KNTC1: variants seen among roughly 807,000 people sequenced by gnomAD.
KNTC1 encodes the protein kinetochore-associated protein 1.
In KNTC1, 253 loss-of-function variants were observed where a neutral mutation model predicts 314.4. That is an observed-to-expected ratio of 0.80 (90% CI 0.73 to 0.89). KNTC1 has a LOEUF of 0.89. KNTC1 is among the 40% of genes least tolerant of loss of function. The probability of loss-of-function intolerance (pLI) is 0.00; values close to 1 mark genes in which losing one functional copy is unlikely to be tolerated. For synonymous variants in KNTC1, 901 were observed against 901.4 expected (o/e 1.00, Z 0.01); for missense variants, 2,475 against 2,572.9 (o/e 0.96, Z 0.82).
intron 60 of KNTC1, among the ~76,000 whole-genome samples, chr12:122,621,526 G>T (rs1358560750): frequency 1.3e-5 from 2 of 152,182 alleles, no homozygotes; most frequent in Non-Finnish European, 2.9e-5. Context: ...GTAGAGACAG[G>T]GTTTTGCTAT....
intron 53 of KNTC1, among the ~76,000 whole-genome samples, chr12:122,612,144 C>A (rs962289944): frequency 6.6e-6 from 1 of 151,736 alleles, no homozygotes; most frequent in Non-Finnish European, 1.5e-5. Flanking sequence ...TGGCTCACTG[C>A]AACCTCCGCC....
intron 5 of KNTC1, 81 bp downstream of exon 5, chr12:122,539,835 G>A (rs2137694694): frequency 2.3e-6 from 2 of 878,450 alleles, no homozygotes; most frequent in East Asian, 2.8e-5. Flanking sequence ...AGGCTGGAGT[G>A]CAGTGGCGCA....
At chr12:122,616,795 T>C (rs1188977263) in intron 57 of KNTC1, among the ~76,000 whole-genome samples, 1 of 152,206 alleles carries the variant, frequency 6.6e-6, no homozygotes, top group East Asian at 1.9e-4. Context: ...TAGTTTTTGG[T>C]ATATGCACAG....
intron 16 of KNTC1, 109 bp downstream of exon 16, chr12:122,551,805 G>A: frequency 1.2e-6 from 1 of 806,326 alleles, no homozygotes; most frequent in Admixed American, 2.1e-5. Context: ...GATTAAGGCT[G>A]TAATTAAGAT....
At chr12:122,565,952 CTTTT>C (rs527446641) in intron 20 of KNTC1, among the ~76,000 whole-genome samples, 4 of 128,240 alleles carry the variant, frequency 3.1e-5, no homozygotes, top group African/African-American at 6.0e-5. Context: ...ACGTTTCAAT[CTTTT>C]TTTTTTTTTT....
chr12:122,548,168 C>T (rs1289355480), intron 12 of KNTC1, among the ~76,000 whole-genome samples, 199 bp downstream of exon 12: 1 of 152,122 alleles, frequency 6.6e-6, no homozygotes, highest in African/African-American at 2.4e-5. Context: ...TGGAGCACTT[C>T]AGGAACCAAA....
Position 122,578,114 on chromosome 12 carries a change from A to G in KNTC1, c.2841+323A>G, listed in dbSNP as rs369072986. 1.1e-4 allele frequency among the ~76,000 whole-genome samples: 16 copies of G among 152,340 alleles called. No individual in the cohort carries two copies. The East Asian group carries it at 1.7e-3, about 17-fold the overall frequency. On this transcript the variant is annotated intron_variant, in intron 31 of 63. Coordinates refer to ENST00000333479, the MANE Select transcript of KNTC1 (RefSeq NM_014708.6). ...TGTTATATAGGACATAATTATTGTCAAATAGTAATGTCAGCTACAAAACCA... is the reference window on the plus strand; with the variant it reads ...TGTTATATAGGACATAATTATTGTCGAATAGTAATGTCAGCTACAAAACCA...
At position 122,604,533 on chromosome 12, in the gene KNTC1, CTTTATTTATTTA is replaced by C. The variant is rs199552454; in HGVS notation, c.5102-15_5102-4del. 2.6e-6 allele frequency: 3 copies of C among 1,174,658 alleles called. No individual in the cohort carries two copies. Among genetic ancestry groups the C allele is most frequent in the African/African-American group, 1.5e-5 (1 of 64,648 alleles). The allele number at this position is 1,174,658 out of a possible 1,614,324, so 72.8% of individuals were successfully genotyped here. A position where few individuals can be genotyped will look rare whatever the true frequency, so the allele number is the denominator to read the frequency against. On this transcript the variant is annotated intron_variant, in intron 48 of 63. Transcript: ENST00000333479. ...AAAAGATTAAGATTTGCCTGTAAAT[CTTTATTTATTTA>C]TTTATTTATTTATTTTAGGTTCCTT...
Position 122,602,816 on chromosome 12 carries a change from G to GT in KNTC1, c.4826-10dup, listed in dbSNP as rs760870801. 4 of 1,612,064 alleles carry GT rather than the reference G, an allele frequency of 2.5e-6. No individual in the cohort carries two copies. The highest frequency in any genetic ancestry group is 1.7e-5 in the Admixed American group (1 of 59,774). Reference sequence around the variant, plus strand: ...TTCTTAAGCAAATCGTACTTTCCTTGTTTCCTTTCTAGCTACAGAACTCAG... The same window carrying GT: ...TTCTTAAGCAAATCGTACTTTCCTTGTTTTCCTTTCTAGCTACAGAACTCAG... On this transcript the variant is annotated splice_polypyrimidine_tract_variant and intron_variant, in intron 46 of 63. Coordinates refer to ENST00000333479, the MANE Select transcript of KNTC1 (RefSeq NM_014708.6).
intron 31 of KNTC1, among the ~76,000 whole-genome samples, 191 bp downstream of exon 31, chr12:122,577,982 T>C (rs1462000120): frequency 2.6e-5 from 4 of 152,206 alleles, no homozygotes; most frequent in African/African-American, 9.6e-5. Context: ...GAGCGGCTGC[T>C]TGAGCCCACA....
chr12:122,567,843 T>TA (rs778491643), intron 20 of KNTC1, among the ~76,000 whole-genome samples: 1 of 151,850 alleles, frequency 6.6e-6, no homozygotes, highest in East Asian at 1.9e-4. Context: ...CTCAAAAAAA[T>TA]AAAGTAAAAT....
intron 43 of KNTC1, among the ~76,000 whole-genome samples, chr12:122,595,115 A>G (rs1870858369): frequency 6.6e-6 from 1 of 152,180 alleles, no homozygotes; most frequent in Non-Finnish European, 1.5e-5. Flanking sequence ...ACCTCAAGTG[A>G]TTCACCCGCC....
At position 122,549,006 on chromosome 12, in the gene KNTC1, T is replaced by G. The variant is rs571291784; in HGVS notation, c.988-760T>G. On this transcript the variant is annotated intron_variant, in intron 12 of 63. Transcript: ENST00000333479. ...TAAAATAAGTCATACGGTAACAGAC[T>G]TACTTATAAATGCTTATTTTTTGCA... Among the ~76,000 whole-genome samples, 48 of 152,298 alleles carry G rather than the reference T, an allele frequency of 3.2e-4. 1 individual carries two copies. The South Asian group carries it at 9.5e-3, about 30-fold the overall frequency.
chr12:122,567,829 C>T (rs376345156), intron 20 of KNTC1, among the ~76,000 whole-genome samples: 1 of 151,894 alleles, frequency 6.6e-6, no homozygotes, highest in Non-Finnish European at 1.5e-5. Flanking sequence ...CAGTGAGACT[C>T]CAGCTCAAAA....
intron 8 of KNTC1, 97 bp downstream of exon 8, chr12:122,544,366 A>G: frequency 1.5e-6 from 1 of 648,946 alleles, no homozygotes; most frequent in Non-Finnish European, 2.7e-6. Flanking sequence ...TTTGTAACAT[A>G]TAACCGAAAC....
chr12:122,564,280 T>G (rs531522936), intron 20 of KNTC1, among the ~76,000 whole-genome samples: 1 of 152,094 alleles, frequency 6.6e-6, no homozygotes, highest in African/African-American at 2.4e-5. Flanking sequence ...CCTGGCCTTA[T>G]GGTTTAATGT....
chr12:122,594,409 A>AGGG, intron 43 of KNTC1, 24 bp downstream of exon 43: 1 of 1,305,310 alleles, frequency 7.7e-7, no homozygotes, highest in Non-Finnish European at 1.1e-6. Context: ...CATTAACGGT[A>AGGG]TTTTTGCTGT....
chr12:122,605,609 G>A (rs557217466), intron 51 of KNTC1, among the ~76,000 whole-genome samples, 194 bp downstream of exon 51: 6 of 152,126 alleles, frequency 3.9e-5, no homozygotes, highest in Non-Finnish European at 7.4e-5. Flanking sequence ...GTAATGGCGC[G>A]GTCTCGGCTC....
intron 3 of KNTC1, among the ~76,000 whole-genome samples, chr12:122,537,868 T>A (rs1224198877): frequency 6.6e-6 from 1 of 152,092 alleles, no homozygotes; most frequent in Non-Finnish European, 1.5e-5. Flanking sequence ...ATGCAGTGGC[T>A]CACATCTGTA....
Sources: gnomAD v4.1 joint callset for allele counts (sites outside exome capture counted in the v4.1 genomes callset) on GRCh38, gnomAD v4.1.1 for gene constraint, MANE v1.5 for transcripts, NCBI Gene and HGNC (gene_info 2026-07-23, HGNC 2026-07-21) for gene names.